CELSR1: variants seen among roughly 807,000 people sequenced by gnomAD.
CELSR1 encodes cadherin EGF LAG seven-pass G-type receptor 1, also known as adhesion G protein-coupled receptor C1.
In CELSR1, 110 loss-of-function variants were observed where a neutral mutation model predicts 249.1. The ratio of observed to expected loss-of-function variants is 0.44; its 90% CI spans 0.38 to 0.52. The LOEUF (loss-of-function observed/expected upper bound fraction) is 0.52, where lower values mean the gene tolerates loss of function less well. Ranked by LOEUF, CELSR1 falls within the 20% of genes least tolerant of loss-of-function variation. CELSR1 has a pLI of 0.00. For synonymous variants in CELSR1, 2,113 were observed against 1,900.0 expected, an observed-to-expected ratio of 1.11 and a Z score of -2.92; for missense variants, 4,109 against 4,296.4, an observed-to-expected ratio of 0.96 and a Z score of 1.22.
rs1011642952 is a variant in CELSR1 at position 46,363,857 on chromosome 22, C to A, written c.9035+139G>T. On this transcript the variant is annotated intron_variant, in intron 34 of 34. Coordinates refer to ENST00000674500, the MANE Select transcript of CELSR1 (RefSeq NM_001378328.1). The surrounding 1 kb of genome is among the most constrained non-coding windows in gnomAD (Gnocchi z 4.3). ...CAGCTGCAGCGCCTCCCCCCTCCCC[C>A]ATCCCCGCCTGGGCTTCCTCTGCAC... 3.7e-5 allele frequency: 44 copies of A among 1,186,092 alleles called. No homozygotes were observed. Among genetic ancestry groups the A allele is most frequent in the Non-Finnish European group, 4.9e-5 (43 of 878,248 alleles). 73.5% of individuals were successfully genotyped at this position (1,186,092 alleles called of 1,614,324 possible). A position where few individuals can be genotyped will look rare whatever the true frequency, so the allele number is the denominator to read the frequency against.
chr22:46,392,222 A>G (rs1207897536), intron 14 of CELSR1, among the ~76,000 whole-genome samples: 1 of 152,242 alleles, frequency 6.6e-6, no homozygotes, highest in Non-Finnish European at 1.5e-5. Context: ...GGTGACAATC[A>G]AGAGCTTGTA....
intron 2 of CELSR1, among the ~76,000 whole-genome samples, chr22:46,449,021 T>A (rs1555919733): frequency 6.6e-6 from 1 of 151,896 alleles, no homozygotes. Context: ...CATCTATCCA[T>A]CCTTCCATAT....
Position 46,411,779 on chromosome 22 carries a change from A to G in CELSR1, c.4612-20T>C. ...ATTGGGCTGTAAGAAGAGAAAGCAC[A>G]GAAGGTGTCAGCGTTTTCTCCACCA... On this transcript the variant is annotated intron_variant, in intron 5 of 34. Transcript: ENST00000674500. This position sits in a 1 kb window ranked among gnomAD's most constrained non-coding sequence, Gnocchi z 4.2. 2 of 1,613,154 alleles carry G rather than the reference A, an allele frequency of 1.2e-6. No individual in the cohort carries two copies. Among genetic ancestry groups the G allele is most frequent in the Non-Finnish European group, 1.7e-6 (2 of 1,179,986 alleles).
At chr22:46,367,633 G>A (rs1257126585) in intron 28 of CELSR1, 96 bp downstream of exon 28, 2 of 1,495,322 alleles carry the variant, frequency 1.3e-6, no homozygotes, top group South Asian at 1.3e-5. Context: ...AGGCAGGGCT[G>A]GTTTGGGACC....
At chr22:46,438,174 A>G (rs531191361) in intron 3 of CELSR1, among the ~76,000 whole-genome samples, 6 of 152,352 alleles carry the variant, frequency 3.9e-5, no homozygotes, top group Admixed American at 6.5e-5. Context: ...GCCAGAAAAC[A>G]GAAACCAAGG....
At chr22:46,450,216 C>T (rs2079867827) in intron 2 of CELSR1, among the ~76,000 whole-genome samples, 1 of 152,252 alleles carries the variant, frequency 6.6e-6, no homozygotes, top group South Asian at 2.1e-4. Context: ...GCATGCAGCC[C>T]CAGGCAGAAG....
chr22:46,363,397 A>C lies in CELSR1; in HGVS notation c.9036-150T>G. 1.6e-6 allele frequency: 1 copy of C among 633,794 alleles called. No individual in the cohort carries two copies. The highest frequency in any genetic ancestry group is 2.8e-6 in the Non-Finnish European group (1 of 362,708). 39.3% of individuals were successfully genotyped at this position (633,794 alleles called of 1,614,324 possible). A position where few individuals can be genotyped will look rare whatever the true frequency, so the allele number is the denominator to read the frequency against. ...TCCAGGGAGGGCAAGCTCATGTTGG[A>C]TGAGGCTGCCCTTGGGAGGCAGGAG... On this transcript the variant is annotated intron_variant, in intron 34 of 34. Coordinates refer to ENST00000674500, the MANE Select transcript of CELSR1 (RefSeq NM_001378328.1). The surrounding 1 kb of genome is among the most constrained non-coding windows in gnomAD (Gnocchi z 4.3).
chr22:46,508,467 T>TC (rs2080539438), intron 1 of CELSR1, among the ~76,000 whole-genome samples: 1 of 123,144 alleles, frequency 8.1e-6, no homozygotes, highest in African/African-American at 3.1e-5. Flanking sequence ...CCCCTCGCTG[T>TC]CCCCTCACTG....
intron 2 of CELSR1, among the ~76,000 whole-genome samples, chr22:46,442,359 G>C (rs553470264): frequency 1.3e-5 from 2 of 151,716 alleles, no homozygotes; most frequent in Admixed American, 1.3e-4. Context: ...GGTGGACACA[G>C]TGACCATCAG....
At chr22:46,460,438 G>GAAAA (rs150915443) in intron 2 of CELSR1, among the ~76,000 whole-genome samples, 2,991 of 152,342 alleles carry the variant, frequency 0.02, 90 homozygotes, top group African/African-American at 0.066. Flanking sequence ...ATGATGGGCA[G>GAAAA]ATGGATGGGG....
chr22:46,495,386 C>T (rs902613157), intron 1 of CELSR1, among the ~76,000 whole-genome samples: 1 of 152,130 alleles, frequency 6.6e-6, no homozygotes, highest in Non-Finnish European at 1.5e-5. Context: ...AACAGTACAC[C>T]TATATAGGGT....
intron 1 of CELSR1, among the ~76,000 whole-genome samples, chr22:46,520,643 G>C (rs931009537): frequency 3.3e-5 from 5 of 151,892 alleles, no homozygotes; most frequent in Non-Finnish European, 7.4e-5. Flanking sequence ...TGCATTTTTA[G>C]TGGAGACAAG....
At chr22:46,462,211 G>T (rs991805700) in intron 2 of CELSR1, among the ~76,000 whole-genome samples, 17 of 152,240 alleles carry the variant, frequency 1.1e-4, no homozygotes, top group African/African-American at 3.9e-4. Context: ...GACCCAGACG[G>T]CACCAACAGA....
intron 23 of CELSR1, among the ~76,000 whole-genome samples, chr22:46,378,023 G>C (rs1391639599): frequency 1.3e-5 from 2 of 152,198 alleles, no homozygotes; most frequent in Admixed American, 6.5e-5. Context: ...CTCCTGTCTG[G>C]ATAACGGGAG....
In CELSR1 at chr22:46,362,473, GGCAGCTGTAGGGCTTCTAGCC is replaced by G. The variant is rs1471542760; in HGVS notation, c.*729_*749del. On this transcript the variant is annotated 3_prime_UTR_variant, in exon 35 of 35. Transcript: ENST00000674500. ...ACACCATCCTCACTTCCTGGCCGAA[GGCAGCTGTAGGGCTTCTAGCC>G]GCTTGGTTTTAGCCCCACTGCTGAC... The G allele has an allele frequency of 6.6e-6, 1 of 152,568 alleles. No individual in the cohort carries two copies. The highest frequency in any genetic ancestry group is 1.5e-5 in the Non-Finnish European group (1 of 68,118). 9.5% of individuals were successfully genotyped at this position (152,568 alleles called of 1,614,324 possible).
rs752582449 is a variant in CELSR1, at chr22:46,364,069, C to T, written c.8962G>A (p.Gly2988Arg). The T allele has an allele frequency of 1.2e-6, 2 of 1,612,354 alleles. No individual in the cohort carries two copies. The highest frequency in any genetic ancestry group is 1.7e-6 in the Non-Finnish European group (2 of 1,179,692). ...GCCACCCCGTTGAGGTGGTCACGCC[C>T]CGGCTCCCTCCCAGGGCTCTTGACT... The part of the protein sequence containing the change: ...ITVKSPGREP[G>R]RDHLNGVAMN... Residue 2988 changes from glycine to arginine, a missense_variant, in exon 34 of 35, where the codon GGG becomes AGG. Gly to Arg is a moderately radical substitution (Grantham distance 125, BLOSUM62 -2). Coordinates refer to ENST00000674500, the MANE Select transcript of CELSR1 (RefSeq NM_001378328.1).
At position 46,534,235 on chromosome 22, in the gene CELSR1, A is replaced by T; in HGVS notation, c.2936T>A (p.Leu979His). 1 of 1,613,672 alleles carries T rather than the reference A, an allele frequency of 6.2e-7. No homozygotes were observed. The highest frequency in any genetic ancestry group is 1.1e-5 in the South Asian group (1 of 91,080). ...LAVDRGSPTPLSASVEIQVTI... is the reference protein window; with the variant it reads ...LAVDRGSPTPHSASVEIQVTI... The stretch of plus-strand genomic sequence containing the variant: ...CACCTGGATTTCTACCGAGGCGCTA[A>T]GGGGAGTGGGACTGCCCCGATCCAC... The change falls in exon 1 of 35, where the codon CTT (leucine) becomes CAT (histidine). Residue 979 changes from leucine to histidine, a missense_variant. This residue lies in a region of CELSR1 where 886 missense variants were observed against 896.5 expected (regional missense o/e 0.99). Transcript: ENST00000674500. The surrounding 1 kb of genome is among the most constrained non-coding windows in gnomAD (Gnocchi z 9.7).
Position 46,372,905 on chromosome 22 carries a change from C to G in CELSR1, c.7737G>C (p.Trp2579Cys). Residue 2579 changes from tryptophan to cysteine, a missense_variant, in exon 25 of 35, where the codon TGG becomes TGC. Trp to Cys is a radical substitution (Grantham distance 215). This residue lies in a region of CELSR1 where 1,805 missense variants were observed against 1,831.6 expected (regional missense o/e 0.99). Transcript: ENST00000674500. ...CACCTGTGACAATGGCCGGGATGCC[C>G]CAGCCCACGACGTAGTAGAACCGCA... Reference protein sequence around the residue: ...GPMRFYYVVGWGIPAIVTGLA... With the variant: ...GPMRFYYVVGCGIPAIVTGLA... The G allele has an allele frequency of 5.6e-6, 9 of 1,609,298 alleles. No individual in the cohort carries two copies. The highest frequency in any genetic ancestry group is 6.8e-6 in the Non-Finnish European group (8 of 1,177,272).
intron 9 of CELSR1, among the ~76,000 whole-genome samples, chr22:46,403,083 T>C (rs970175537): frequency 6.6e-6 from 1 of 152,140 alleles, no homozygotes; most frequent in Non-Finnish European, 1.5e-5. Context: ...CCAAGTCAAT[T>C]TGCTGGGAAG....
Sources: gnomAD v4.1 joint callset for allele counts (sites outside exome capture counted in the v4.1 genomes callset) on GRCh38, gnomAD v4.1.1 for gene constraint, gnomAD v4.1.1 regional missense constraint, Gnocchi (gnomAD v3.1) non-coding constraint, MANE v1.5 for transcripts, NCBI Gene and HGNC (gene_info 2026-07-23, HGNC 2026-07-21) for gene names.